MEMO1: variants seen among roughly 807,000 people sequenced by gnomAD.
MEMO1 encodes protein MEMO1.
In MEMO1, 6 loss-of-function variants were observed where a neutral mutation model predicts 45.2. That is an observed-to-expected ratio of 0.13 (90% CI 0.07 to 0.26). MEMO1 has a LOEUF of 0.26. Ranked by LOEUF, MEMO1 falls within the 10% of genes least tolerant of loss-of-function variation. The probability of loss-of-function intolerance (pLI) is 1.00; values close to 1 mark genes in which losing one functional copy is unlikely to be tolerated. For missense variants in MEMO1, 184 were observed against 370.5 expected (o/e 0.50, Z 4.13); for synonymous variants, 78 against 124.3 (o/e 0.63, Z 2.48).
chr2:31,883,093 T>C (rs1316272106), intron 8 of MEMO1, among the ~76,000 whole-genome samples: 3 of 152,132 alleles, frequency 2.0e-5, no homozygotes, highest in Admixed American at 1.3e-4. Context: ...CAGTAAATAA[T>C]GGTATTAGTA....
intron 2 of MEMO1, among the ~76,000 whole-genome samples, chr2:32,002,316 CACATATAT>C (rs540913238): frequency 0.012 from 1,762 of 146,244 alleles, 23 homozygotes; most frequent in Non-Finnish European, 0.018. Context: ...TATATACATA[CACATATAT>C]ACATATATAC....
chr2:31,989,097 T>G (rs1671625483), intron 2 of MEMO1, among the ~76,000 whole-genome samples: 1 of 151,882 alleles, frequency 6.6e-6, no homozygotes, highest in African/African-American at 2.4e-5. Context: ...TCCCAGCTAC[T>G]CAGGAGGCTG....
chr2:31,953,379 A>C (rs1306577277), intron 2 of MEMO1, among the ~76,000 whole-genome samples: 2 of 152,076 alleles, frequency 1.3e-5, no homozygotes, highest in Non-Finnish European at 2.9e-5. Context: ...AAAAAAAAAA[A>C]AAAAAACACA....
intron 8 of MEMO1, among the ~76,000 whole-genome samples, chr2:31,877,040 T>C (rs1674666835): frequency 1.3e-5 from 2 of 152,212 alleles, no homozygotes; most frequent in Non-Finnish European, 2.9e-5. Context: ...CTTCCCTATG[T>C]AAGATCCTTC....
intron 7 of MEMO1, among the ~76,000 whole-genome samples, chr2:31,885,574 T>C (rs1369895572): frequency 2.0e-4 from 31 of 152,256 alleles, no homozygotes. Flanking sequence ...AAAATCTTTC[T>C]GAAACAAATG....
chr2:31,938,714 TAAAG>T (rs1163564276), intron 3 of MEMO1, among the ~76,000 whole-genome samples: 1 of 151,482 alleles, frequency 6.6e-6, no homozygotes, highest in African/African-American at 2.4e-5. Flanking sequence ...TTATAAAACT[TAAAG>T]TAAGTTTTTG....
chr2:31,918,286 CTTACTCATCATTTGTATATG>C (rs1681765017), intron 5 of MEMO1, among the ~76,000 whole-genome samples: 1 of 152,082 alleles, frequency 6.6e-6, no homozygotes, highest in Non-Finnish European at 1.5e-5. Context: ...CGTGTAAAGA[CTTACTCATCATTTGTATATG>C]TTACATAGTT....
chr2:31,962,046 T>C (rs1032568025), intron 2 of MEMO1, among the ~76,000 whole-genome samples: 12 of 152,024 alleles, frequency 7.9e-5, no homozygotes, highest in African/African-American at 1.7e-4. Flanking sequence ...ATAAACTCAA[T>C]TGCGTCTGTA....
At chr2:31,956,004 A>C (rs1572801951) in intron 2 of MEMO1, among the ~76,000 whole-genome samples, 1 of 152,328 alleles carries the variant, frequency 6.6e-6, no homozygotes, top group South Asian at 2.1e-4. Flanking sequence ...GTCTGACAAA[A>C]GGGTCCAGTA....
rs565494717 is a variant in MEMO1 at position 31,903,433 on chromosome 2, G to A, written c.438-11299C>T. On this transcript the variant is annotated intron_variant, in intron 6 of 9. Transcript: ENST00000404530. ...AGAAAAAAACAGGGGGGTGGGGGGGGACAAAAAGTTATGTGGGTAAATATA... is the reference window on the plus strand; with the variant it reads ...AGAAAAAAACAGGGGGGTGGGGGGGAACAAAAAGTTATGTGGGTAAATATA... Among the ~76,000 whole-genome samples, 406 of 132,966 alleles carry A rather than the reference G, an allele frequency of 3.1e-3. 3 individuals carry two copies. Among genetic ancestry groups the A allele is most frequent in the African/African-American group, 0.011 (399 of 36,778 alleles). The allele number at this position is 132,966 out of a possible 152,430, so 87.2% of individuals were successfully genotyped here.
chr2:31,930,433 A>G (rs1664004176), intron 4 of MEMO1, among the ~76,000 whole-genome samples: 1 of 151,940 alleles, frequency 6.6e-6, no homozygotes. Context: ...TATTTAACAC[A>G]TGCTTTCCAC....
intron 2 of MEMO1, among the ~76,000 whole-genome samples, chr2:31,968,064 G>C (rs983281716): frequency 6.6e-6 from 1 of 152,126 alleles, no homozygotes; most frequent in South Asian, 2.1e-4. Context: ...CCAACCAAAA[G>C]TCAGGAGTCC....
At chr2:31,946,344 C>G (rs754692321) in intron 2 of MEMO1, among the ~76,000 whole-genome samples, 1 of 151,622 alleles carries the variant, frequency 6.6e-6, no homozygotes, top group Non-Finnish European at 1.5e-5. Context: ...ATAAACAGGT[C>G]AAGTTTAAAA....
intron 7 of MEMO1, 38 bp downstream of exon 7, chr2:31,891,954 A>C: frequency 1.3e-6 from 2 of 1,572,984 alleles, no homozygotes; most frequent in Non-Finnish European, 1.7e-6. Flanking sequence ...CCAGAAGTAT[A>C]TAACATCTAC....
intron 2 of MEMO1, among the ~76,000 whole-genome samples, chr2:31,965,685 T>C (rs554451683): frequency 4.2e-4 from 64 of 152,210 alleles, no homozygotes; most frequent in Non-Finnish European, 5.3e-4. Flanking sequence ...ATGGATGAAG[T>C]TGGAAGCCAT....
At chr2:31,874,211 C>A (rs1372076070) in intron 8 of MEMO1, among the ~76,000 whole-genome samples, 1 of 152,052 alleles carries the variant, frequency 6.6e-6, no homozygotes, top group African/African-American at 2.4e-5. Flanking sequence ...TAACCTATGA[C>A]CATCTCATAT....
At chr2:31,927,703 T>C (rs1264801778) in intron 4 of MEMO1, among the ~76,000 whole-genome samples, 1 of 152,056 alleles carries the variant, frequency 6.6e-6, no homozygotes, top group Non-Finnish European at 1.5e-5. Flanking sequence ...AAAATGTATT[T>C]ATTTCTCATT....
intron 2 of MEMO1, among the ~76,000 whole-genome samples, chr2:31,959,346 G>A (rs772826982): frequency 6.6e-6 from 1 of 152,126 alleles, no homozygotes; most frequent in Non-Finnish European, 1.5e-5. Context: ...AGGTACTTGG[G>A]CAGAGAAGTA....
intron 5 of MEMO1, among the ~76,000 whole-genome samples, chr2:31,918,329 A>G (rs1295230622): frequency 2.0e-5 from 3 of 152,318 alleles, no homozygotes; most frequent in Non-Finnish European, 4.4e-5. Context: ...ATAAAAAATG[A>G]TAATTTAAAT....
Sources: allele counts gnomAD v4.1 joint callset (sites outside exome capture counted in the v4.1 genomes callset), GRCh38; gene constraint gnomAD v4.1.1; transcripts MANE v1.5; gene names NCBI Gene and HGNC (gene_info 2026-07-23, HGNC 2026-07-21).